ADGRE2: variants seen among roughly 807,000 people sequenced by gnomAD.
ADGRE2 encodes adhesion G protein-coupled receptor E2.
Under a neutral mutation model 100.8 loss-of-function variants are expected in ADGRE2, and 83 were observed. The ratio of observed to expected loss-of-function variants is 0.82; its 90% confidence interval spans 0.69 to 0.99. The LOEUF (loss-of-function observed/expected upper bound fraction) is 0.99, where lower values mean the gene tolerates loss of function less well. Ranked by LOEUF, ADGRE2 falls within the 50% of genes least tolerant of loss-of-function variation. The probability of loss-of-function intolerance (pLI) is 0.00; values close to 1 mark genes in which losing one functional copy is unlikely to be tolerated. For synonymous variants in ADGRE2, 355 were observed against 413.0 expected, an observed-to-expected ratio of 0.86 and a Z score of 1.70; for missense variants, 814 against 1,035.7, an observed-to-expected ratio of 0.79 and a Z score of 2.94.
chr19:14,767,331 C>T (rs1179564057), intron 5 of ADGRE2, among the ~76,000 whole-genome samples: 15 of 151,834 alleles, frequency 9.9e-5, no homozygotes, highest in East Asian at 3.9e-4. Flanking sequence ...CTCCGCCTCC[C>T]GGGTTCACGC....
chr19:14,747,730 C>T (rs1481017605), intron 16 of ADGRE2, among the ~76,000 whole-genome samples: 1 of 150,648 alleles, frequency 6.6e-6, no homozygotes, highest in African/African-American at 2.4e-5. Flanking sequence ...ATTGCTTGAA[C>T]CCAGGAAGCA....
intron 10 of ADGRE2, among the ~76,000 whole-genome samples, chr19:14,765,014 T>TA (rs200000323): frequency 2.0e-5 from 3 of 149,544 alleles, no homozygotes; most frequent in African/African-American, 4.9e-5. Context: ...AGACTCCGTC[T>TA]AAAAAAAAAA....
chr19:14,770,601 A>G (rs925526312), intron 5 of ADGRE2, among the ~76,000 whole-genome samples: 3 of 150,122 alleles, frequency 2.0e-5, no homozygotes, highest in Admixed American at 2.0e-4. Context: ...CATTCCCCAA[A>G]TGGGGCTGTG....
chr19:14,736,539 G>A (rs1468968311), intron 20 of ADGRE2, among the ~76,000 whole-genome samples: 1 of 150,876 alleles, frequency 6.6e-6, no homozygotes, highest in Non-Finnish European at 1.5e-5. Flanking sequence ...GGGATTACAG[G>A]TGTGAGCCAC....
intron 11 of ADGRE2, among the ~76,000 whole-genome samples, chr19:14,759,610 C>T (rs2043638673): frequency 6.6e-6 from 1 of 150,576 alleles, no homozygotes; most frequent in South Asian, 2.1e-4. Context: ...GAATCTCCTG[C>T]CTCAGCTTCC....
At chr19:14,749,118 T>C (rs191713419) in intron 16 of ADGRE2, among the ~76,000 whole-genome samples, 1 of 150,424 alleles carries the variant, frequency 6.6e-6, no homozygotes, top group Non-Finnish European at 1.5e-5. Flanking sequence ...TAATTAGCCA[T>C]ATATAACCAT....
Position 14,764,789 on chromosome 19 carries a change from A to C in ADGRE2, c.907-179T>G, listed in dbSNP as rs374050761. ...ATTCCAGCACTTTGGGAGGCCGATG[A>C]GGGTGGGTCACAAGGTCAGGAGATC... On this transcript the variant is annotated intron_variant, in intron 10 of 20. Coordinates refer to ENST00000315576, the MANE Select transcript of ADGRE2 (RefSeq NM_013447.4). Among the ~76,000 whole-genome samples the C allele has an allele frequency of 2.8e-4, 42 of 152,298 alleles. No homozygotes were observed. The East Asian group carries it at 4.3e-3, about 15-fold the overall frequency.
downstream of ADGRE2, chr19:14,731,325 GACTTTCAA>G (rs1158401977): frequency 2.4e-6 from 2 of 841,962 alleles, no homozygotes; most frequent in Non-Finnish European, 3.7e-6. Flanking sequence ...AGTGGCCTTG[GACTTTCAA>G]ACTTCCAGTT....
chr19:14,731,228 G>C (rs1465100060), downstream of ADGRE2: 1 of 1,526,518 alleles, frequency 6.6e-7, no homozygotes, highest in African/African-American at 1.4e-5. Flanking sequence ...TGCATGTTCA[G>C]ATCGCTAGAA....
At position 14,736,200 on chromosome 19, in the gene ADGRE2, C is replaced by T. The variant is rs145672080; in HGVS notation, c.*36G>A. On this transcript the variant is annotated 3_prime_UTR_variant, in exon 21 of 21. Coordinates refer to ENST00000315576, the MANE Select transcript of ADGRE2 (RefSeq NM_013447.4). ...GCTCAAAGATTGTTCAGATTTTCCA[C>T]GGGCAAAGAGGGAAGATCTTATTCA... The T allele has an allele frequency of 2.8e-4, 443 of 1,577,130 alleles. 2 individuals carry two copies. In the African/African-American group the frequency reaches 5.3e-3, roughly 19 times the overall value.
rs141383411 is a variant in ADGRE2 at position 14,764,552 on chromosome 19, G to T, written c.965C>A (p.Pro322His). 3.7e-6 allele frequency: 6 copies of T among 1,612,814 alleles called. No homozygotes were observed. Among genetic ancestry groups the T allele is most frequent in the Non-Finnish European group, 5.1e-6 (6 of 1,179,952 alleles). ...LEAPGDLETLPRLQQHCVASH... is the reference protein window; with the variant it reads ...LEAPGDLETLHRLQQHCVASH... The stretch of plus-strand genomic sequence containing the variant: ...GGCCACACAGTGCTGCTGTAAGCGG[G>T]GCAGGGTCTCCAGGTCCCCAGGGGC... The change falls in exon 11 of 21, where the codon CCC becomes CAC. Residue 322 changes from proline (P) to histidine (H), a missense_variant. By Grantham distance (77) the Pro-to-His change is moderately conservative. Around this residue, in one of 5 missense-constraint regions of ADGRE2, gnomAD observed 569 missense variants for 692.7 expected, o/e 0.82. Transcript: ENST00000315576.
At chr19:14,747,985 G>C (rs986519806) in intron 16 of ADGRE2, among the ~76,000 whole-genome samples, 1 of 151,908 alleles carries the variant, frequency 6.6e-6, no homozygotes, top group Non-Finnish European at 1.5e-5. Context: ...TTTTCTAAAC[G>C]TTTATTTTAG....
chr19:14,740,804 G>A (rs778808945), intron 20 of ADGRE2, among the ~76,000 whole-genome samples: 2 of 152,002 alleles, frequency 1.3e-5, no homozygotes, highest in African/African-American at 2.4e-5. Context: ...TGGCATAATC[G>A]TAGCTCACCG....
At chr19:14,742,210 A>G in intron 20 of ADGRE2, 1 of 396,624 alleles carries the variant, frequency 2.5e-6, no homozygotes, top group Non-Finnish European at 4.4e-6. Context: ...GTGTGTTTTT[A>G]AAACTTTATT....
chr19:14,736,133 T>C lies in ADGRE2; in HGVS notation c.*103A>G. On this transcript the variant is annotated 3_prime_UTR_variant, in exon 21 of 21. Transcript: ENST00000315576. ...TCATATTGCTGACATGGTGAATTTC[T>C]TGAAACACACAGAACAAAGTCTTTT... The C allele has an allele frequency of 1.8e-6, 2 of 1,122,808 alleles. No homozygotes were observed. The highest frequency in any genetic ancestry group is 2.6e-6 in the Non-Finnish European group (2 of 763,928). 69.6% of individuals were successfully genotyped at this position (1,122,808 alleles called of 1,614,324 possible). A position where few individuals can be genotyped will look rare whatever the true frequency, so the allele number is the denominator to read the frequency against.
At chr19:14,763,869 C>T (rs1333948296) in intron 11 of ADGRE2, among the ~76,000 whole-genome samples, 1 of 134,272 alleles carries the variant, frequency 7.4e-6, no homozygotes, top group Non-Finnish European at 1.7e-5. Context: ...ATCCTGTCCT[C>T]CTCCTCCCGT....
intron 3 of ADGRE2, 74 bp from the exon 4 acceptor site, chr19:14,774,128 G>C: frequency 1.2e-5 from 18 of 1,525,698 alleles, no homozygotes; most frequent in Non-Finnish European, 1.6e-5. Context: ...GGGGGAGATG[G>C]GGCAGAGCGC....
At position 14,776,921 on chromosome 19, in the gene ADGRE2, G is replaced by C; in HGVS notation, c.-165C>G. The C allele has an allele frequency of 6.8e-7, 1 of 1,472,024 alleles. No homozygotes were observed. The highest frequency in any genetic ancestry group is 9.0e-7 in the Non-Finnish European group (1 of 1,109,212). 91.2% of individuals were successfully genotyped at this position (1,472,024 alleles called of 1,614,324 possible). On this transcript the variant is annotated 5_prime_UTR_variant, in exon 2 of 21. Coordinates refer to ENST00000315576, the MANE Select transcript of ADGRE2 (RefSeq NM_013447.4). Reference sequence around the variant, plus strand: ...GCCCAGGGCCCTCCCCGGAACTGGCGGTGCAGCTGGAAGCCAGCAGGAAAG... The same window carrying C: ...GCCCAGGGCCCTCCCCGGAACTGGCCGTGCAGCTGGAAGCCAGCAGGAAAG...
intron 11 of ADGRE2, among the ~76,000 whole-genome samples, chr19:14,759,302 A>C (rs1237716441): frequency 6.6e-6 from 1 of 152,004 alleles, no homozygotes; most frequent in Non-Finnish European, 1.5e-5. Flanking sequence ...TCGAATTTTC[A>C]GGCTGCTCGT....
Sources: gnomAD v4.1 joint callset for allele counts (sites outside exome capture counted in the v4.1 genomes callset) on GRCh38, gnomAD v4.1.1 for gene constraint, gnomAD v4.1.1 regional missense constraint, MANE v1.5 for transcripts, NCBI Gene and HGNC (gene_info 2026-07-23, HGNC 2026-07-21) for gene names.